IGF2BP2: variants seen among roughly 807,000 people sequenced by gnomAD.
IGF2BP2 encodes the protein insulin-like growth factor 2 mRNA-binding protein 2.
A neutral mutation model predicts 75.8 loss-of-function variants in IGF2BP2; 17 were observed. The observed-to-expected ratio is 0.22, with a 90% confidence interval of 0.15 to 0.34. The LOEUF (loss-of-function observed/expected upper bound fraction) is 0.34. Among genes scored for constraint, IGF2BP2 ranks in the 10% least tolerant of loss-of-function variants. IGF2BP2 has a pLI of 1.00. For missense variants in IGF2BP2, 516 were observed against 772.4 expected, an observed-to-expected ratio of 0.67 and a Z score of 3.93; for synonymous variants, 288 against 295.6, an observed-to-expected ratio of 0.97 and a Z score of 0.26.
At chr3:185,689,018 A>G (rs1721537548) in intron 6 of IGF2BP2, 1 of 202,218 alleles carries the variant, frequency 4.9e-6, no homozygotes. Flanking sequence ...GAAGAGGAAG[A>G]GCTATGATGA....
chr3:185,677,032 TATATATATGGAG>T (rs1456663915), intron 7 of IGF2BP2, among the ~76,000 whole-genome samples: 2 of 105,568 alleles, frequency 1.9e-5, no homozygotes, highest in African/African-American at 7.3e-5. Context: ...GAGAGATATA[TATATATATGGAG>T]ATATATATAT....
intron 2 of IGF2BP2, among the ~76,000 whole-genome samples, chr3:185,781,971 T>A (rs1362710866): frequency 1.3e-5 from 2 of 152,130 alleles, no homozygotes; most frequent in African/African-American, 2.4e-5. Context: ...TATTTTTTTT[T>A]AGAATTGGGC....
At chr3:185,782,172 T>C (rs1490885132) in intron 2 of IGF2BP2, among the ~76,000 whole-genome samples, 3 of 152,154 alleles carry the variant, frequency 2.0e-5, no homozygotes, top group African/African-American at 4.8e-5. Context: ...ATGGCCCTAG[T>C]AGTGAGTACT....
rs1159568857 is a variant in IGF2BP2 at position 185,707,295 on chromosome 3, CTTTTTTTTTTTTT to C, written c.240-8961_240-8949del. Among the ~76,000 whole-genome samples, 288 of 39,850 alleles carry C rather than the reference CTTTTTTTTTTTTT, an allele frequency of 7.2e-3. 2 individuals carry two copies. The highest frequency in any genetic ancestry group is 0.011 in the Non-Finnish European group (241 of 22,754). 26.1% of individuals were successfully genotyped at this position (39,850 alleles called of 152,430 possible). ...TTATATTCAGTGTGTAACGAAGGGG[CTTTTTTTTTTTTT>C]TTTTTTTTTTTTTTTTTGAGATGGA... is the stretch of plus-strand genomic sequence containing the variant. On this transcript the variant is annotated intron_variant, in intron 2 of 15. Coordinates refer to ENST00000382199, the MANE Select transcript of IGF2BP2 (RefSeq NM_006548.6).
intron 10 of IGF2BP2, 48 bp from the exon 11 acceptor site, chr3:185,658,457 T>G (rs1395059984): frequency 2.3e-5 from 36 of 1,534,360 alleles, no homozygotes; most frequent in Middle Eastern, 3.4e-4. Context: ...TCAGGGACTG[T>G]CACTGGCCTC....
intron 2 of IGF2BP2, among the ~76,000 whole-genome samples, chr3:185,787,867 C>T (rs1370036557): frequency 6.6e-6 from 1 of 152,128 alleles, no homozygotes; most frequent in East Asian, 1.9e-4. Context: ...TTATTTTCTC[C>T]AACAGATCAA....
chr3:185,702,906 A>G (rs1362193960), intron 2 of IGF2BP2, among the ~76,000 whole-genome samples: 2 of 152,248 alleles, frequency 1.3e-5, no homozygotes, highest in Non-Finnish European at 2.9e-5. Flanking sequence ...CTGGAAGCAG[A>G]ATAAGACCTG....
At chr3:185,715,266 G>A (rs1473969068) in intron 2 of IGF2BP2, among the ~76,000 whole-genome samples, 2 of 152,230 alleles carry the variant, frequency 1.3e-5, no homozygotes, top group African/African-American at 4.8e-5. Context: ...TCTGATTTGA[G>A]AGGAGCAGAG....
intron 2 of IGF2BP2, among the ~76,000 whole-genome samples, chr3:185,702,872 GTCTT>G (rs558709057): frequency 3.3e-5 from 5 of 152,212 alleles, no homozygotes; most frequent in African/African-American, 4.8e-5. Flanking sequence ...GCAGGAACAT[GTCTT>G]TATTTCACCT....
chr3:185,681,297 C>T (rs560410734), intron 7 of IGF2BP2, among the ~76,000 whole-genome samples: 2 of 152,214 alleles, frequency 1.3e-5, no homozygotes, highest in East Asian at 1.9e-4. Context: ...CAACAATAAA[C>T]AATCTGAAAA....
intron 2 of IGF2BP2, among the ~76,000 whole-genome samples, chr3:185,747,887 G>C (rs1266050625): frequency 6.8e-6 from 1 of 146,328 alleles, no homozygotes; most frequent in Non-Finnish European, 1.5e-5. Flanking sequence ...ACGGAGTCTC[G>C]CTCTGTTGCC....
intron 2 of IGF2BP2, among the ~76,000 whole-genome samples, chr3:185,707,111 G>A (rs189471713): frequency 6.1e-4 from 92 of 151,672 alleles, no homozygotes; most frequent in African/African-American, 2.2e-3. Context: ...TGTAATCCCA[G>A]TTACTCGAGA....
rs189368910 is a variant in IGF2BP2 at position 185,678,248 on chromosome 3, T to C, written c.813-2335A>G. ...ATACAAAGGAGCTTCCGTAACACTA[T>C]CTGCAGATTTCTTAGCAGAAACTTT... On this transcript the variant is annotated intron_variant, in intron 7 of 15. Transcript: ENST00000382199. Among the ~76,000 whole-genome samples, 5 of 152,362 alleles carry C rather than the reference T, an allele frequency of 3.3e-5. No individual in the cohort carries two copies. The East Asian group carries it at 9.6e-4, about 29-fold the overall frequency.
intron 10 of IGF2BP2, among the ~76,000 whole-genome samples, chr3:185,670,585 T>C (rs183625308): frequency 6.6e-6 from 1 of 152,302 alleles, no homozygotes; most frequent in East Asian, 1.9e-4. Context: ...TTTATTTATT[T>C]TGAGACAAAG....
chr3:185,725,363 G>A (rs1462963767), intron 2 of IGF2BP2, among the ~76,000 whole-genome samples: 1 of 152,160 alleles, frequency 6.6e-6, no homozygotes, highest in Non-Finnish European at 1.5e-5. Context: ...GATTGCAGTG[G>A]GCTGAGGTTG....
At chr3:185,688,794 C>T (rs1349148255) in intron 6 of IGF2BP2, among the ~76,000 whole-genome samples, 1 of 152,216 alleles carries the variant, frequency 6.6e-6, no homozygotes, top group East Asian at 1.9e-4. Flanking sequence ...TTACATCATG[C>T]TACAGTCTTA....
Position 185,675,958 on chromosome 3 carries a change from G to A in IGF2BP2, c.813-45C>T, listed in dbSNP as rs375816375. The A allele has an allele frequency of 3.1e-5, 50 of 1,592,160 alleles. 1 individual carries two copies. Among genetic ancestry groups the A allele is most frequent in the South Asian group, 3.5e-5 (3 of 86,874 alleles). ...AGTTAACACTTCAGATACGTATAAC[G>A]GTTGTCTCCCAAAAACCATTACCTT... On this transcript the variant is annotated intron_variant, in intron 7 of 15. Coordinates refer to ENST00000382199, the MANE Select transcript of IGF2BP2 (RefSeq NM_006548.6).
intron 5 of IGF2BP2, among the ~76,000 whole-genome samples, chr3:185,689,967 C>CAAAAAAAAAAAAA (rs5855070): frequency 2.5e-5 from 3 of 118,218 alleles, no homozygotes; most frequent in African/African-American, 9.7e-5. Flanking sequence ...GACTCCGTCT[C>CAAAAAAAAAAAAA]AAAAAAAAAA....
At chr3:185,700,543 C>G (rs1268751858) in intron 2 of IGF2BP2, among the ~76,000 whole-genome samples, 4 of 152,202 alleles carry the variant, frequency 2.6e-5, no homozygotes, top group Non-Finnish European at 4.4e-5. Flanking sequence ...CCATCCCATA[C>G]AGTGGCTACA....
Sources: gnomAD v4.1 joint callset for allele counts (sites outside exome capture counted in the v4.1 genomes callset) on GRCh38, gnomAD v4.1.1 for gene constraint, MANE v1.5 for transcripts, NCBI Gene and HGNC (gene_info 2026-07-23, HGNC 2026-07-21) for gene names.